The following RBFOX3 variants were observed in gnomAD, a reference collection of about 807,000 sequenced individuals.
RBFOX3 encodes RNA binding protein fox-1 homolog 3.
RBFOX3 carries 17 observed loss-of-function variants against 48.7 expected under a neutral mutation model. That is an observed-to-expected ratio of 0.35 (90% CI 0.24 to 0.52). The LOEUF is 0.52. RBFOX3 is among the 20% of genes least tolerant of loss of function. The pLI is 0.94. For missense variants in RBFOX3, 382 were observed against 497.5 expected, an observed-to-expected ratio of 0.77 and a Z score of 2.21; for synonymous variants, 212 against 209.5, an observed-to-expected ratio of 1.01 and a Z score of -0.10.
chr17:79,228,098 C>T (rs912411356), intron 4 of RBFOX3, among the ~76,000 whole-genome samples: 3 of 152,188 alleles, frequency 2.0e-5, no homozygotes, highest in Admixed American at 6.5e-5. Flanking sequence ...TAGGACGGAG[C>T]CTGGCCTGCT....
At chr17:79,499,282 ACCAT>A (rs2082068267) in intron 1 of RBFOX3, among the ~76,000 whole-genome samples, 1 of 151,232 alleles carries the variant, frequency 6.6e-6, no homozygotes, top group African/African-American at 2.4e-5. Context: ...CCACCCATCT[ACCAT>A]CCATTTATTC....
At chr17:79,098,088 G>A in intron 9 of RBFOX3, 1 of 296,710 alleles carries the variant, frequency 3.4e-6, no homozygotes, top group Non-Finnish European at 6.5e-6. Flanking sequence ...AGTGGAACTT[G>A]TTATCTACCC....
At position 79,105,681 on chromosome 17, in the gene RBFOX3, CT is replaced by C. The variant is rs529238501; in HGVS notation, c.360+969del. Among the ~76,000 whole-genome samples, 689 of 152,254 alleles carry C rather than the reference CT, an allele frequency of 4.5e-3. 9 individuals carry two copies. Among genetic ancestry groups the C allele is most frequent in the Non-Finnish European group, 3.9e-3 (263 of 68,010 alleles). Reference sequence around the variant, plus strand: ...TGGGGCTGCCAGAGGTGCTTCCAGTCTGCCTGACAAATCCCAGCTGGGTCAG... The same window carrying C: ...TGGGGCTGCCAGAGGTGCTTCCAGTCGCCTGACAAATCCCAGCTGGGTCAG... On this transcript the variant is annotated intron_variant, in intron 6 of 14. Coordinates refer to ENST00000693108, the MANE Select transcript of RBFOX3 (RefSeq NM_001350451.2).
At chr17:79,256,946 AAC>A (rs1324106010) in intron 3 of RBFOX3, among the ~76,000 whole-genome samples, 1 of 61,272 alleles carries the variant, frequency 1.6e-5, no homozygotes, top group African/African-American at 6.5e-5. Flanking sequence ...AACAAAACAA[AAC>A]AAAAAAAAAA....
chr17:79,117,135 G>A (rs1437302126), intron 4 of RBFOX3, among the ~76,000 whole-genome samples: 4 of 152,204 alleles, frequency 2.6e-5, no homozygotes, highest in Non-Finnish European at 5.9e-5. Context: ...ACACAGCCTG[G>A]GGCCCAGGAC....
chr17:79,126,879 A>T (rs1210356150), intron 4 of RBFOX3, among the ~76,000 whole-genome samples: 2 of 152,184 alleles, frequency 1.3e-5, no homozygotes, highest in African/African-American at 4.8e-5. Flanking sequence ...ACTGAGCTGA[A>T]ATCTGCCTTC....
chr17:79,274,734 TC>T (rs2068402671), intron 3 of RBFOX3, among the ~76,000 whole-genome samples: 1 of 151,974 alleles, frequency 6.6e-6, no homozygotes, highest in Non-Finnish European at 1.5e-5. Flanking sequence ...CCCAGACTTT[TC>T]CACCCCAGGA....
intron 2 of RBFOX3, among the ~76,000 whole-genome samples, chr17:79,398,925 G>A (rs925245016): frequency 3.3e-5 from 5 of 152,192 alleles, no homozygotes; most frequent in African/African-American, 9.7e-5. Flanking sequence ...AGCCTTCGCC[G>A]ATGTAATCAG....
chr17:79,514,187 C>T (rs961808823), intron 1 of RBFOX3, among the ~76,000 whole-genome samples: 6 of 152,188 alleles, frequency 3.9e-5, no homozygotes, highest in Non-Finnish European at 7.4e-5. Flanking sequence ...GCAGAAAACG[C>T]GGCCAACACT....
At chr17:79,576,344 GATGGAGATGATGGAGAAGCTGGAGATC>G (rs1179227923) in intron 1 of RBFOX3, among the ~76,000 whole-genome samples, 2 of 151,934 alleles carry the variant, frequency 1.3e-5, no homozygotes, top group African/African-American at 2.4e-5. Context: ...TCACAGAGAT[GATGGAGATGATGGAGAAGCTGGAGATC>G]ATGGAGATGA....
chr17:79,661,299 T>C, the RBFOX3 span, among the ~76,000 whole-genome samples: 1 of 152,060 alleles, frequency 6.6e-6, no homozygotes, highest in Non-Finnish European at 1.5e-5. Flanking sequence ...AGATTTTTTT[T>C]AAAAAAGGTT....
chr17:79,166,162 G>GCAA (rs1568265387), intron 4 of RBFOX3, among the ~76,000 whole-genome samples: 2 of 152,058 alleles, frequency 1.3e-5, no homozygotes, highest in African/African-American at 4.8e-5. Context: ...TCCCCCCCCG[G>GCAA]GCAGGTAAGG....
At chr17:79,337,769 C>T (rs1258036646) in intron 2 of RBFOX3, among the ~76,000 whole-genome samples, 1 of 152,020 alleles carries the variant, frequency 6.6e-6, no homozygotes, top group Non-Finnish European at 1.5e-5. Flanking sequence ...GAGCAAGACC[C>T]AGTCTCAAAA....
intron 2 of RBFOX3, among the ~76,000 whole-genome samples, chr17:79,427,366 C>T (rs2067579312): frequency 6.6e-6 from 1 of 152,226 alleles, no homozygotes; most frequent in African/African-American, 2.4e-5. Context: ...GGTCCCTACA[C>T]AGTTGGGCTG....
chr17:79,147,222 C>T (rs151308677), intron 4 of RBFOX3, among the ~76,000 whole-genome samples: 2 of 152,208 alleles, frequency 1.3e-5, no homozygotes, highest in East Asian at 3.9e-4. Context: ...TCACAGGAGG[C>T]GCTGGCCATG....
At chr17:79,623,205 G>A in the RBFOX3 span, among the ~76,000 whole-genome samples, 1 of 152,178 alleles carries the variant, frequency 6.6e-6, no homozygotes, top group Non-Finnish European at 1.5e-5. Context: ...CTTGATAGAC[G>A]CAGAGCAAGG....
At chr17:79,281,501 T>TTTG (rs2070494316) in intron 3 of RBFOX3, among the ~76,000 whole-genome samples, 1 of 152,016 alleles carries the variant, frequency 6.6e-6, no homozygotes, top group Admixed American at 6.6e-5. Flanking sequence ...GGCTTGTGGG[T>TTTG]TAGTTTGGAT....
chr17:79,492,628 G>A (rs2080860296), intron 1 of RBFOX3, among the ~76,000 whole-genome samples: 1 of 152,242 alleles, frequency 6.6e-6, no homozygotes, highest in Non-Finnish European at 1.5e-5. Context: ...CAGGCACTCA[G>A]CTGAGCCCCT....
At chr17:79,122,564 G>A (rs2036036923) in intron 4 of RBFOX3, among the ~76,000 whole-genome samples, 1 of 152,216 alleles carries the variant, frequency 6.6e-6, no homozygotes, top group South Asian at 2.1e-4. Flanking sequence ...AACAAATACT[G>A]GCGAGGATGT....
Sources: allele counts gnomAD v4.1 joint callset (sites outside exome capture counted in the v4.1 genomes callset), GRCh38; gene constraint gnomAD v4.1.1; transcripts MANE v1.5; gene names NCBI Gene and HGNC (gene_info 2026-07-23, HGNC 2026-07-21).